SH3PXD2A: variants seen among roughly 807,000 people sequenced by gnomAD.
The protein encoded by SH3PXD2A is SH3 and PX domain-containing protein 2A.
SH3PXD2A carries 32 observed loss-of-function variants against 115.2 expected under a neutral mutation model. The observed-to-expected ratio is 0.28, with a 90% CI of 0.21 to 0.37. The LOEUF (loss-of-function observed/expected upper bound fraction) is 0.37, where lower values mean the gene tolerates loss of function less well. Among genes scored for constraint, SH3PXD2A ranks in the 10% least tolerant of loss-of-function variants. SH3PXD2A has a pLI of 1.00. For missense variants in SH3PXD2A, 1,328 were observed against 1,498.7 expected, an observed-to-expected ratio of 0.89 and a Z score of 1.88; for synonymous variants, 610 against 629.1, an observed-to-expected ratio of 0.97 and a Z score of 0.45.
intron 8 of SH3PXD2A, among the ~76,000 whole-genome samples, chr10:103,649,051 G>T (rs1482557933): frequency 6.6e-6 from 1 of 152,226 alleles, no homozygotes; most frequent in African/African-American, 2.4e-5. Flanking sequence ...CTGCGGGGAA[G>T]AGCTGGCTGA....
chr10:103,637,130 G>A (rs945568031), intron 8 of SH3PXD2A, among the ~76,000 whole-genome samples: 1 of 152,192 alleles, frequency 6.6e-6, no homozygotes, highest in Non-Finnish European at 1.5e-5. Flanking sequence ...ACACGCATCC[G>A]GGACTCATGC....
intron 1 of SH3PXD2A, among the ~76,000 whole-genome samples, chr10:103,837,643 C>T (rs1301232855): frequency 3.9e-5 from 6 of 152,134 alleles, no homozygotes; most frequent in Non-Finnish European, 5.9e-5. Flanking sequence ...GCCCAGGGGA[C>T]GTGGGGCAGG....
chr10:103,610,862 C>T (rs1251310925), intron 13 of SH3PXD2A, among the ~76,000 whole-genome samples: 1 of 152,206 alleles, frequency 6.6e-6, no homozygotes, highest in South Asian at 2.1e-4. Flanking sequence ...CTCTCCGCCT[C>T]TAAGTGTCAG....
chr10:103,836,511 A>G (rs115241588), intron 1 of SH3PXD2A, among the ~76,000 whole-genome samples: 213 of 151,016 alleles, frequency 1.4e-3, no homozygotes, highest in African/African-American at 4.9e-3. Flanking sequence ...CACACACAGC[A>G]CATCCCCCAA....
At chr10:103,609,840 A>G (rs2036398022) in intron 13 of SH3PXD2A, 1 of 152,212 alleles carries the variant, frequency 6.6e-6, no homozygotes, top group South Asian at 2.1e-4. Flanking sequence ...AAGACCTGGA[A>G]AGACCTCAAC....
At chr10:103,723,323 C>T (rs951747295) in intron 5 of SH3PXD2A, among the ~76,000 whole-genome samples, 1 of 152,220 alleles carries the variant, frequency 6.6e-6, no homozygotes, top group African/African-American at 2.4e-5. Flanking sequence ...CTCTCCCCAA[C>T]CCTCTCTCTT....
At chr10:103,770,112 G>A (rs1329589901) in intron 2 of SH3PXD2A, among the ~76,000 whole-genome samples, 2 of 152,092 alleles carry the variant, frequency 1.3e-5, no homozygotes, top group Non-Finnish European at 2.9e-5. Flanking sequence ...ATCTATCTTT[G>A]CTAGGCATTC....
rs201558536 is a variant in SH3PXD2A at position 103,601,968 on chromosome 10, C to T, written c.3250G>A (p.Glu1084Lys). Residue 1084 changes from glutamate (E) to lysine (K), a missense_variant, in exon 15 of 15, where the codon GAG becomes AAG. By Grantham distance (56) the Glu-to-Lys change is moderately conservative. This residue lies in a region of SH3PXD2A where 45 missense variants were observed against 73.6 expected (regional missense o/e 0.61). Transcript: ENST00000369774. The part of the protein sequence containing the change: ...KDVYVSIADY[E>K]GDEETAGFQE... ...AAGCCTGCTGTCTCCTCATCCCCCT[C>T]GTAGTCTGCGATAGAGACGTACACA... is the stretch of plus-strand genomic sequence containing the variant. The T allele has an allele frequency of 1.5e-5, 25 of 1,613,990 alleles. No individual in the cohort carries two copies. Among genetic ancestry groups the T allele is most frequent in the Middle Eastern group, 1.6e-4 (1 of 6,084 alleles).
intron 6 of SH3PXD2A, among the ~76,000 whole-genome samples, chr10:103,680,905 T>G (rs1244576231): frequency 6.6e-6 from 1 of 151,776 alleles, no homozygotes; most frequent in African/African-American, 2.4e-5. Context: ...AACTTTAGAT[T>G]AGAAAAAGGT....
chr10:103,836,071 A>T (rs574932700), intron 1 of SH3PXD2A, among the ~76,000 whole-genome samples: 458 of 152,278 alleles, frequency 3.0e-3, no homozygotes, highest in African/African-American at 0.011. Flanking sequence ...CCCCTTATCT[A>T]TAAAGGGGAG....
In SH3PXD2A at chr10:103,740,920, C is replaced by T. The variant is rs578198506; in HGVS notation, c.230-5112G>A. Among the ~76,000 whole-genome samples the T allele has an allele frequency of 8.5e-5, 13 of 152,286 alleles. No homozygotes were observed. The East Asian group carries it at 2.5e-3, about 29-fold the overall frequency. On this transcript the variant is annotated intron_variant, in intron 3 of 14. Transcript: ENST00000369774. ...GCTGGGAGCACAGCAGTGAACCAGA[C>T]AGATGAGGGCCTTGCTCTCAGGAGT...
chr10:103,674,143 G>A (rs774630306), intron 6 of SH3PXD2A, among the ~76,000 whole-genome samples: 85 of 152,280 alleles, frequency 5.6e-4, no homozygotes, highest in South Asian at 6.2e-4. Flanking sequence ...TAGGTTTCCT[G>A]CAGACTCCAC....
chr10:103,669,791 A>C (rs537506217), intron 6 of SH3PXD2A, among the ~76,000 whole-genome samples: 1 of 152,374 alleles, frequency 6.6e-6, no homozygotes, highest in African/African-American at 2.4e-5. Context: ...ACTGCCCACC[A>C]GGCGCTTGCC....
At chr10:103,682,469 GC>G (rs1461959544) in intron 6 of SH3PXD2A, among the ~76,000 whole-genome samples, 7 of 152,308 alleles carry the variant, frequency 4.6e-5, no homozygotes, top group Admixed American at 2.0e-4. Flanking sequence ...AAAAACACCA[GC>G]CCAGAGGCTG....
chr10:103,607,263 C>T (rs545544923), intron 13 of SH3PXD2A, among the ~76,000 whole-genome samples: 38 of 151,802 alleles, frequency 2.5e-4, no homozygotes, highest in African/African-American at 7.5e-4. Context: ...GCCTGGCAAC[C>T]GCCCCGTCTG....
At chr10:103,717,129 G>C (rs2038114290) in intron 5 of SH3PXD2A, among the ~76,000 whole-genome samples, 2 of 152,220 alleles carry the variant, frequency 1.3e-5, no homozygotes, top group African/African-American at 4.8e-5. Flanking sequence ...CAACTTGCCT[G>C]AGGCAAGTGG....
intron 6 of SH3PXD2A, among the ~76,000 whole-genome samples, chr10:103,677,650 G>T (rs2037556095): frequency 6.6e-6 from 1 of 152,152 alleles, no homozygotes; most frequent in African/African-American, 2.4e-5. Flanking sequence ...GTCTGGTTAG[G>T]GCTATAGTCC....
intron 5 of SH3PXD2A, among the ~76,000 whole-genome samples, chr10:103,718,795 A>G (rs1253526520): frequency 6.6e-6 from 1 of 150,540 alleles, no homozygotes; most frequent in African/African-American, 2.5e-5. Flanking sequence ...ACACACACAC[A>G]CACGCACATA....
At chr10:103,691,471 C>T (rs1377808135) in intron 6 of SH3PXD2A, among the ~76,000 whole-genome samples, 2 of 152,072 alleles carry the variant, frequency 1.3e-5, no homozygotes, top group East Asian at 1.9e-4. Flanking sequence ...CCTGTGTGGG[C>T]GGTGACAGAA....
Sources: allele counts gnomAD v4.1 joint callset (sites outside exome capture counted in the v4.1 genomes callset), GRCh38; gene constraint gnomAD v4.1.1; regional missense constraint gnomAD v4.1.1; transcripts MANE v1.5; gene names NCBI Gene and HGNC (gene_info 2026-07-23, HGNC 2026-07-21).